Variants in SPAST observed in about 807,000 individuals in gnomAD.
SPAST encodes the protein spastic paraplegia 4 (autosomal dominant; spastin).
A neutral mutation model predicts 76.6 loss-of-function variants in SPAST; 30 were observed. That is an observed-to-expected ratio of 0.39 (90% CI 0.29 to 0.53). The LOEUF is 0.53. Among genes scored for constraint, SPAST ranks in the 20% least tolerant of loss-of-function variants. SPAST has a pLI of 0.68. For missense variants in SPAST, 717 were observed against 770.5 expected, an observed-to-expected ratio of 0.93 and a Z score of 0.82; for synonymous variants, 305 against 281.0, an observed-to-expected ratio of 1.09 and a Z score of -0.86.
chr2:32,148,021 C>G (rs1036791534), intron 16 of SPAST, among the ~76,000 whole-genome samples: 1 of 149,726 alleles, frequency 6.7e-6, no homozygotes, highest in African/African-American at 2.5e-5. Context: ...TAGCCTTGAC[C>G]TCTTGGTCTC....
chr2:32,063,566 C>A lies in SPAST; in HGVS notation c.-266C>A. 2.0e-6 allele frequency: 1 copy of A among 504,844 alleles called. No homozygotes were observed. Among genetic ancestry groups the A allele is most frequent in the Non-Finnish European group, 3.5e-6 (1 of 287,492 alleles). The allele number at this position is 504,844 out of a possible 1,614,324, so 31.3% of individuals were successfully genotyped here. Reference sequence around the variant, plus strand: ...AAGACGTGCGCGTGCGCGGCCGCCGCTGGGAGCCACCAGGCGGCGGAGAGG... The same window carrying A: ...AAGACGTGCGCGTGCGCGGCCGCCGATGGGAGCCACCAGGCGGCGGAGAGG... On this transcript the variant is annotated 5_prime_UTR_variant, in exon 1 of 17. It adds an upstream start codon to the 5' untranslated region. Transcript: ENST00000315285.
intron 1 of SPAST, among the ~76,000 whole-genome samples, chr2:32,067,791 T>G (rs1676583022): frequency 6.6e-6 from 1 of 150,386 alleles, no homozygotes; most frequent in Non-Finnish European, 1.5e-5. Flanking sequence ...TAGGATCTTG[T>G]TATGTTAGCC....
intron 9 of SPAST, among the ~76,000 whole-genome samples, chr2:32,133,046 C>A (rs202070972): frequency 5.5e-5 from 8 of 145,038 alleles, no homozygotes; most frequent in African/African-American, 7.6e-5. Flanking sequence ...AACTCCATCT[C>A]AAAAAAAAAA....
In SPAST at chr2:32,064,002, G is replaced by C. The variant is rs1057523187; in HGVS notation, c.171G>C (p.Leu57=). The C allele has an allele frequency of 3.1e-6, 5 of 1,613,508 alleles. No individual in the cohort carries two copies. In the Admixed American group the frequency reaches 8.3e-5, roughly 27 times the overall value. ...KRNLYYFSYP[L]FVGFALLRLV... ...ACCTGTACTATTTCTCCTACCCGCT[G>C]TTTGTAGGCTTCGCGCTGCTGCGTT... Residue 57 remains leucine (L), a synonymous_variant, in exon 1 of 17, where the codon CTG becomes CTC. Transcript: ENST00000315285.
chr2:32,090,081 A>C (rs1035524731), intron 3 of SPAST, among the ~76,000 whole-genome samples: 22 of 152,180 alleles, frequency 1.4e-4, no homozygotes, highest in African/African-American at 4.6e-4. Context: ...ATGAACTTCT[A>C]ATTATTCTTC....
At chr2:32,110,161 C>T (rs1422405440) in intron 4 of SPAST, among the ~76,000 whole-genome samples, 1 of 146,826 alleles carries the variant, frequency 6.8e-6, no homozygotes, top group Non-Finnish European at 1.5e-5. Context: ...CCCTGTCCCC[C>T]AGGCTGGAAT....
intron 1 of SPAST, among the ~76,000 whole-genome samples, chr2:32,073,328 T>G (rs1027242764): frequency 2.0e-5 from 3 of 152,184 alleles, no homozygotes; most frequent in African/African-American, 7.2e-5. Context: ...CCACTGCACC[T>G]GGCTGGATAT....
At chr2:32,138,521 A>G (rs1679616134) in intron 12 of SPAST, among the ~76,000 whole-genome samples, 1 of 151,892 alleles carries the variant, frequency 6.6e-6, no homozygotes, top group Non-Finnish European at 1.5e-5. Context: ...CCCATTTTTT[A>G]ATAGGGTTGT....
intron 1 of SPAST, among the ~76,000 whole-genome samples, chr2:32,076,123 ACTC>A (rs1241739347): frequency 6.8e-6 from 1 of 146,964 alleles, no homozygotes; most frequent in Non-Finnish European, 1.5e-5. Flanking sequence ...CTAGCCTTGA[ACTC>A]CTCGCCTCGT....
intron 7 of SPAST, among the ~76,000 whole-genome samples, chr2:32,120,328 C>T (rs1019192715): frequency 2.1e-4 from 32 of 152,092 alleles, no homozygotes; most frequent in Non-Finnish European, 2.9e-5. Context: ...ACACCTTCTA[C>T]TCCTGTCCTC....
chr2:32,100,390 A>G (rs1257786452), intron 4 of SPAST, among the ~76,000 whole-genome samples: 7 of 150,718 alleles, frequency 4.6e-5, no homozygotes, highest in Non-Finnish European at 4.4e-5. Context: ...ACTTTTTTCA[A>G]ATTATACCAG....
At chr2:32,146,828 G>A (rs1679901274) in intron 15 of SPAST, among the ~76,000 whole-genome samples, 1 of 135,700 alleles carries the variant, frequency 7.4e-6, no homozygotes, top group Non-Finnish European at 1.5e-5. Flanking sequence ...CTGCAGCCTG[G>A]GCAACAGAGC....
chr2:32,152,672 T>C (rs1170274017), intron 16 of SPAST, among the ~76,000 whole-genome samples: 1 of 152,156 alleles, frequency 6.6e-6, no homozygotes, highest in Admixed American at 6.5e-5. Context: ...GCAGTGTGTG[T>C]GTTACAGTTA....
chr2:32,146,851 C>CAAAAAAAAAAAAAAA (rs397984237), intron 15 of SPAST, among the ~76,000 whole-genome samples: 6 of 19,242 alleles, frequency 3.1e-4, no homozygotes, highest in Non-Finnish European at 5.5e-4. Context: ...GACTCTGTCT[C>CAAAAAAAAAAAAAAA]AAAAAAAAAA....
At chr2:32,149,564 T>C (rs985472191) in intron 16 of SPAST, among the ~76,000 whole-genome samples, 2 of 152,224 alleles carry the variant, frequency 1.3e-5, no homozygotes, top group African/African-American at 4.8e-5. Context: ...TTTCTATCCG[T>C]GGATTCTGCA....
At chr2:32,087,419 C>A in intron 1 of SPAST, 73 bp from the exon 2 acceptor site, 2 of 881,352 alleles carry the variant, frequency 2.3e-6, no homozygotes, top group East Asian at 2.6e-5. Context: ...TATGTATTAC[C>A]TCTCAACAGC....
chr2:32,150,640 G>A (rs943135476), intron 16 of SPAST, among the ~76,000 whole-genome samples: 3 of 151,804 alleles, frequency 2.0e-5, no homozygotes, highest in African/African-American at 7.3e-5. Flanking sequence ...GTCTCACTAT[G>A]TTGCCTAGGC....
intron 3 of SPAST, among the ~76,000 whole-genome samples, chr2:32,091,589 T>C (rs564803785): frequency 1.3e-5 from 2 of 148,298 alleles, no homozygotes; most frequent in South Asian, 2.2e-4. Context: ...TCCCAGCACT[T>C]TGGGAGGCCG....
chr2:32,111,293 A>AT (rs1486645625), intron 4 of SPAST, among the ~76,000 whole-genome samples: 2 of 106,176 alleles, frequency 1.9e-5, no homozygotes, highest in African/African-American at 6.5e-5. Flanking sequence ...TATAGTGTGT[A>AT]TAGCGTATAT....
Sources: allele counts gnomAD v4.1 joint callset (sites outside exome capture counted in the v4.1 genomes callset), GRCh38; gene constraint gnomAD v4.1.1; transcripts MANE v1.5; gene names NCBI Gene and HGNC (gene_info 2026-07-23, HGNC 2026-07-21).